Variants in KCNQ3 observed in about 807,000 individuals in gnomAD.
KCNQ3 encodes the protein potassium voltage-gated channel subfamily KQT member 3.
A neutral mutation model predicts 92.5 loss-of-function variants in KCNQ3; 30 were observed. The observed-to-expected ratio is 0.32, with a 90% CI of 0.24 to 0.44. The LOEUF is 0.44. Ranked by LOEUF, KCNQ3 falls within the 20% of genes least tolerant of loss-of-function variation. KCNQ3 has a pLI of 1.00. For missense variants in KCNQ3, 913 were observed against 1,140.3 expected, an observed-to-expected ratio of 0.80 and a Z score of 2.87; for synonymous variants, 450 against 468.8, an observed-to-expected ratio of 0.96 and a Z score of 0.52.
At chr8:132,178,984 T>C (rs1826660282) in intron 4 of KCNQ3, among the ~76,000 whole-genome samples, 1 of 144,174 alleles carries the variant, frequency 6.9e-6, no homozygotes. Flanking sequence ...GCATCTAGTA[T>C]GCCTACCAGG....
intron 1 of KCNQ3, among the ~76,000 whole-genome samples, chr8:132,306,163 G>A (rs1264176097): frequency 1.3e-5 from 2 of 152,064 alleles, no homozygotes; most frequent in African/African-American, 4.8e-5. Context: ...TACTACTCTG[G>A]ACTGAACTCA....
intron 9 of KCNQ3, among the ~76,000 whole-genome samples, chr8:132,161,745 G>A (rs1035506713): frequency 6.6e-6 from 1 of 152,170 alleles, no homozygotes; most frequent in Non-Finnish European, 1.5e-5. Flanking sequence ...TTGTAAGGTG[G>A]AAAATGCATA....
At chr8:132,227,923 C>G (rs1453906013) in intron 1 of KCNQ3, among the ~76,000 whole-genome samples, 5 of 151,848 alleles carry the variant, frequency 3.3e-5, no homozygotes, top group Admixed American at 2.6e-4. Context: ...GCTGTTATAC[C>G]AATTTTTTCA....
In KCNQ3 at chr8:132,251,856, G is replaced by T. The variant is rs77952973; in HGVS notation, c.387-65675C>A. Among the ~76,000 whole-genome samples, 1,143 of 152,278 alleles carry T rather than the reference G, an allele frequency of 7.5e-3. 12 individuals are homozygous for T. Among genetic ancestry groups the T allele is most frequent in the African/African-American group, 0.025 (1,026 of 41,538 alleles). On this transcript the variant is annotated intron_variant, in intron 1 of 14. Transcript: ENST00000388996. ...CTCTCGGAGAATTTTATTTCTATCT[G>T]GACCTTTATATGCCCCACTATGATC...
chr8:132,231,052 T>C (rs1586848458), intron 1 of KCNQ3, among the ~76,000 whole-genome samples: 3 of 152,266 alleles, frequency 2.0e-5, no homozygotes, highest in African/African-American at 7.2e-5. Context: ...GGGAAGATTA[T>C]ATGAAGACAC....
intron 4 of KCNQ3, among the ~76,000 whole-genome samples, chr8:132,179,309 G>C (rs1826673420): frequency 6.6e-6 from 1 of 151,964 alleles, no homozygotes; most frequent in Non-Finnish European, 1.5e-5. Flanking sequence ...GGAATGGACT[G>C]AGTTCCATCC....
At chr8:132,346,280 G>A (rs745338550) in intron 1 of KCNQ3, among the ~76,000 whole-genome samples, 3 of 152,130 alleles carry the variant, frequency 2.0e-5, no homozygotes, top group Non-Finnish European at 2.9e-5. Flanking sequence ...TGGGCTGTCA[G>A]GTTCCAAAAA....
intron 1 of KCNQ3, among the ~76,000 whole-genome samples, chr8:132,463,310 C>G (rs1037993095): frequency 6.6e-6 from 1 of 151,934 alleles, no homozygotes; most frequent in Non-Finnish European, 1.5e-5. Context: ...GAAGAAAGAA[C>G]CCAGGCATAA....
intron 1 of KCNQ3, among the ~76,000 whole-genome samples, chr8:132,437,005 C>T (rs1040764506): frequency 2.0e-5 from 3 of 152,062 alleles, no homozygotes; most frequent in South Asian, 2.1e-4. Context: ...GTGGGCCGGG[C>T]GCGGTGGCTC....
At chr8:132,183,630 A>G (rs964572894) in intron 3 of KCNQ3, among the ~76,000 whole-genome samples, 2 of 152,204 alleles carry the variant, frequency 1.3e-5, no homozygotes, top group Non-Finnish European at 2.9e-5. Flanking sequence ...CACCTCCTCT[A>G]CTATCAAACT....
intron 4 of KCNQ3, 78 bp downstream of exon 4, chr8:132,180,079 G>T: frequency 6.7e-7 from 1 of 1,491,344 alleles, no homozygotes; most frequent in Non-Finnish European, 9.3e-7. Flanking sequence ...TGGGGACACT[G>T]CAAAGGAAGG....
In KCNQ3 at chr8:132,356,896, T is replaced by A. The variant is rs76802937; in HGVS notation, c.386+123251A>T. 8.1e-3 allele frequency among the ~76,000 whole-genome samples: 1,232 copies of A among 152,256 alleles called. 8 individuals are homozygous for A. Among genetic ancestry groups the A allele is most frequent in the African/African-American group, 0.028 (1,183 of 41,528 alleles). On this transcript the variant is annotated intron_variant, in intron 1 of 14. Transcript: ENST00000388996. ...ATGACAGAAAGGCTACAGAGGCAAT[T>A]TCAATATGAGTTGTGAATTGGATTA...
At chr8:132,365,796 G>A (rs1586959968) in intron 1 of KCNQ3, among the ~76,000 whole-genome samples, 1 of 152,196 alleles carries the variant, frequency 6.6e-6, no homozygotes, top group Non-Finnish European at 1.5e-5. Flanking sequence ...TTGGGAGGCT[G>A]AGACAGGAGA....
At chr8:132,181,644 G>A (rs1413791239) in intron 3 of KCNQ3, among the ~76,000 whole-genome samples, 1 of 152,132 alleles carries the variant, frequency 6.6e-6, no homozygotes, top group Non-Finnish European at 1.5e-5. Context: ...TCTGGCTCCT[G>A]GGAATCTGCC....
intron 1 of KCNQ3, among the ~76,000 whole-genome samples, chr8:132,392,790 CAA>C (rs56183412): frequency 0.32 from 23,029 of 71,402 alleles, 2,404 homozygotes; most frequent in Middle Eastern, 0.45. Flanking sequence ...GAACCTGTCT[CAA>C]AAAAAAAAAA....
intron 1 of KCNQ3, among the ~76,000 whole-genome samples, chr8:132,320,042 A>G (rs1193441276): frequency 3.9e-5 from 6 of 152,244 alleles, no homozygotes; most frequent in African/African-American, 1.4e-4. Context: ...CTAGATATGA[A>G]TTCCAATAAA....
At chr8:132,322,685 T>C (rs1376783447) in intron 1 of KCNQ3, among the ~76,000 whole-genome samples, 3 of 152,196 alleles carry the variant, frequency 2.0e-5, no homozygotes. Context: ...GGCAGACGAA[T>C]GTGCCTCTAT....
chr8:132,339,645 G>T (rs893893133), intron 1 of KCNQ3, among the ~76,000 whole-genome samples: 1 of 151,280 alleles, frequency 6.6e-6, no homozygotes, highest in Non-Finnish European at 1.5e-5. Context: ...GGAGGCAGAG[G>T]TTGGAATGAG....
At chr8:132,275,713 GAC>G in intron 1 of KCNQ3, among the ~76,000 whole-genome samples, 1 of 152,272 alleles carries the variant, frequency 6.6e-6, no homozygotes, top group African/African-American at 2.4e-5. Flanking sequence ...AAGTAGCTGG[GAC>G]TACAGGCGCC....
Sources: gnomAD v4.1 joint callset for allele counts (sites outside exome capture counted in the v4.1 genomes callset) on GRCh38, gnomAD v4.1.1 for gene constraint, MANE v1.5 for transcripts, NCBI Gene and HGNC (gene_info 2026-07-23, HGNC 2026-07-21) for gene names.